The following ELAC2 variants were observed in gnomAD, a reference collection of about 807,000 sequenced individuals.
ELAC2 encodes elaC ribonuclease Z 2.
In ELAC2, 92 loss-of-function variants were observed where a neutral mutation model predicts 105.2. That is an observed-to-expected ratio of 0.87 (90% confidence interval 0.74 to 1.04). The LOEUF (loss-of-function observed/expected upper bound fraction) is 1.04, where lower values mean the gene tolerates loss of function less well. Among genes scored for constraint, ELAC2 ranks in the 50% least tolerant of loss-of-function variants. The probability of loss-of-function intolerance (pLI) is 0.00; values close to 1 mark genes in which losing one functional copy is unlikely to be tolerated. For synonymous variants in ELAC2, 468 were observed against 409.1 expected, an observed-to-expected ratio of 1.14 and a Z score of -1.74; for missense variants, 1,099 against 1,071.7, an observed-to-expected ratio of 1.03 and a Z score of -0.36.
In ELAC2 at chr17:12,994,931, GC is replaced by G. The variant is rs531190213; in HGVS notation, c.1908+31del. 2.5e-4 allele frequency: 401 copies of G among 1,614,056 alleles called. 8 individuals are homozygous for G. In the East Asian group the frequency reaches 8.8e-3, roughly 35 times the overall value. On this transcript the variant is annotated intron_variant, in intron 20 of 23. Coordinates refer to ENST00000338034, the MANE Select transcript of ELAC2 (RefSeq NM_018127.7). ...GCTCTGCAGCTCTGCTCCCCACCTC[GC>G]CCCCATGATGCCTGCGGCTGTGCCC...
intron 14 of ELAC2, among the ~76,000 whole-genome samples, chr17:13,001,532 A>C (rs140553126): frequency 5.3e-4 from 81 of 152,120 alleles, no homozygotes; most frequent in African/African-American, 1.9e-3. Context: ...AAATTAATTA[A>C]TTAAAATAAA....
At position 13,015,774 on chromosome 17, in the gene ELAC2, T is replaced by A; in HGVS notation, c.426A>T (p.Pro142=). The A allele has an allele frequency of 6.2e-7, 1 of 1,613,446 alleles. No homozygotes were observed. Among genetic ancestry groups the A allele is most frequent in the Non-Finnish European group, 8.5e-7 (1 of 1,179,312 alleles). Residue 142 remains proline, a synonymous_variant, in exon 4 of 24, where the codon CCA becomes CCT. Transcript: ENST00000338034. The part of the protein sequence containing the change: ...GLPKCVLSGP[P]QLEKYLEAIK... ...TGTGTCAGGAAAGACTCACCAGTTG[T>A]GGAGGTCCAGAAAGTACACACTTTG...
intron 23 of ELAC2, 115 bp downstream of exon 23, chr17:12,993,572 T>C (rs1450241574): frequency 6.6e-7 from 1 of 1,511,220 alleles, no homozygotes; most frequent in African/African-American, 1.4e-5. Flanking sequence ...AGATAACCTT[T>C]TCCCACGGTG....
rs1006789719 is a variant in ELAC2 at position 12,992,430 on chromosome 17, C to T, written c.*388G>A. On this transcript the variant is annotated 3_prime_UTR_variant, in exon 24 of 24. Transcript: ENST00000338034. Reference sequence around the variant, plus strand: ...TTTATTGCAGCTGAAATACTATTTTCGTTAAGTCTCGGACACTTAGACCCA... The same window carrying T: ...TTTATTGCAGCTGAAATACTATTTTTGTTAAGTCTCGGACACTTAGACCCA... 1.1e-4 allele frequency: 40 copies of T among 375,950 alleles called. No individual in the cohort carries two copies. Among genetic ancestry groups the T allele is most frequent in the African/African-American group, 5.8e-4 (29 of 49,780 alleles). 23.3% of individuals were successfully genotyped at this position (375,950 alleles called of 1,614,324 possible). A position where few individuals can be genotyped will look rare whatever the true frequency, so the allele number is the denominator to read the frequency against.
chr17:13,016,655 G>A (rs1026664339), intron 3 of ELAC2, among the ~76,000 whole-genome samples: 8 of 150,850 alleles, frequency 5.3e-5, no homozygotes, highest in Admixed American at 4.6e-4. Context: ...TGGGGCACAC[G>A]TGTGGTCCCA....
At position 12,995,798 on chromosome 17, in the gene ELAC2, C is replaced by G; in HGVS notation, c.1713G>C (p.Lys571Asn). ...QRERALASLG[K>N]PLHPLLVVAP... ...CAACCACCAGCAAAGGGTGAAGCGG[C>G]TTTCCCAAAGATGCCTGGAACAAAA... The change falls in exon 19 of 24, where the codon AAG becomes AAC. Residue 571 changes from lysine (K) to asparagine (N), a missense_variant. Lys to Asn is a moderately conservative substitution (Grantham distance 94). Transcript: ENST00000338034. 6.2e-7 allele frequency: 1 copy of G among 1,611,344 alleles called. No homozygotes were observed. Among genetic ancestry groups the G allele is most frequent in the Non-Finnish European group, 8.5e-7 (1 of 1,178,832 alleles).
chr17:13,002,725 A>C, intron 12 of ELAC2, 146 bp from the exon 13 acceptor site: 3 of 1,269,198 alleles, frequency 2.4e-6, no homozygotes, highest in Non-Finnish European at 3.3e-6. Context: ...ACATGGCCAA[A>C]CATGGTCCCA....
intron 15 of ELAC2, among the ~76,000 whole-genome samples, chr17:12,999,803 C>T (rs2040676357): frequency 1.3e-5 from 2 of 152,190 alleles, no homozygotes; most frequent in Admixed American, 6.5e-5. Flanking sequence ...GGACTACAGG[C>T]GCCCGCCGCC....
chr17:13,017,401 C>A, intron 1 of ELAC2: 1 of 632,026 alleles, frequency 1.6e-6, no homozygotes, highest in African/African-American at 1.8e-5. Flanking sequence ...ACGCTAACAA[C>A]GACACACTGG....
intron 8 of ELAC2, among the ~76,000 whole-genome samples, chr17:13,007,464 TCA>T (rs1345560987): frequency 6.6e-6 from 1 of 152,184 alleles, no homozygotes; most frequent in African/African-American, 2.4e-5. Context: ...AGTGTGCACA[TCA>T]CACAGTGATG....
chr17:12,993,157 T>C (rs2040280237), intron 23 of ELAC2, 112 bp from the exon 24 acceptor site: 2 of 1,147,328 alleles, frequency 1.7e-6, no homozygotes, highest in Non-Finnish European at 1.3e-6. Flanking sequence ...GCCCCTTCCT[T>C]GGCACAAGCC....
chr17:12,995,090 A>G (rs1174595385), intron 19 of ELAC2, 28 bp from the exon 20 acceptor site: 2 of 1,611,450 alleles, frequency 1.2e-6, no homozygotes, highest in Admixed American at 1.7e-5. Flanking sequence ...ATTTAAAATG[A>G]TAATAAACGT....
At chr17:13,017,146 C>T (rs1343247803) in intron 1 of ELAC2, 25 bp from the exon 2 acceptor site, 1 of 1,606,048 alleles carries the variant, frequency 6.2e-7, no homozygotes, top group South Asian at 1.1e-5. Context: ...TTACACAAGA[C>T]ATTCAGAAGG....
At chr17:12,999,056 G>A (rs1031269268) in intron 15 of ELAC2, among the ~76,000 whole-genome samples, 1 of 152,206 alleles carries the variant, frequency 6.6e-6, no homozygotes, top group Non-Finnish European at 1.5e-5. Context: ...CAGCTTCCCA[G>A]GAGGGGGACT....
At chr17:13,004,586 T>C (rs941203504) in intron 11 of ELAC2, among the ~76,000 whole-genome samples, 1 of 152,192 alleles carries the variant, frequency 6.6e-6, no homozygotes, top group South Asian at 2.1e-4. Context: ...CACGGACTCT[T>C]GACCACGACA....
chr17:13,006,989 C>T (rs1321149876), intron 8 of ELAC2, among the ~76,000 whole-genome samples: 2 of 151,986 alleles, frequency 1.3e-5, no homozygotes, highest in East Asian at 3.9e-4. Flanking sequence ...GGTGTGGTGA[C>T]GTGCGCCTGT....
chr17:13,014,313 A>G, intron 5 of ELAC2, 126 bp downstream of exon 5: 1 of 701,032 alleles, frequency 1.4e-6, no homozygotes, highest in East Asian at 2.7e-5. Context: ...AAAAAAAAAA[A>G]TCTCGTGGTG....
intron 19 of ELAC2, 138 bp downstream of exon 19, chr17:12,995,565 C>T: frequency 1.2e-6 from 1 of 807,664 alleles, no homozygotes; most frequent in African/African-American, 1.7e-5. Flanking sequence ...CACTTCTCCC[C>T]TGCTTCTGCC....
Position 12,995,807 on chromosome 17 carries a change from A to C in ELAC2, c.1704T>G (p.Ser568=), listed in dbSNP as rs1291610957. ...GCAAAGGGTGAAGCGGCTTTCCCAA[A>C]GATGCCTGGAACAAAAAATGCAAGT... The part of the protein sequence containing the change: ...ILLQRERALA[S]LGKPLHPLLV... Residue 568 remains serine (S), a synonymous_variant, in exon 19 of 24, where the codon TCT becomes TCG. Transcript: ENST00000338034. 6.2e-7 allele frequency: 1 copy of C among 1,609,666 alleles called. No individual in the cohort carries two copies. Among genetic ancestry groups the C allele is most frequent in the Non-Finnish European group, 8.5e-7 (1 of 1,178,078 alleles).
Sources: gnomAD v4.1 joint callset for allele counts (sites outside exome capture counted in the v4.1 genomes callset) on GRCh38, gnomAD v4.1.1 for gene constraint, MANE v1.5 for transcripts, NCBI Gene and HGNC (gene_info 2026-07-23, HGNC 2026-07-21) for gene names.